The following PAQR5 variants were observed in gnomAD, a reference collection of about 807,000 sequenced individuals.
PAQR5 encodes the protein membrane progestin receptor gamma.
A neutral mutation model predicts 34.5 loss-of-function variants in PAQR5; 20 were observed. The ratio of observed to expected loss-of-function variants is 0.58; its 90% CI spans 0.41 to 0.84. The LOEUF is 0.84. Ranked by LOEUF, PAQR5 falls within the 40% of genes least tolerant of loss-of-function variation. The probability of loss-of-function intolerance (pLI) is 0.00; values close to 1 mark genes in which losing one functional copy is unlikely to be tolerated. For synonymous variants in PAQR5, 131 were observed against 155.6 expected, an observed-to-expected ratio of 0.84 and a Z score of 1.18; for missense variants, 378 against 412.7, an observed-to-expected ratio of 0.92 and a Z score of 0.73.
chr15:69,360,193 A>G, intron 3 of PAQR5, 62 bp downstream of exon 3: 1 of 1,271,270 alleles, frequency 7.9e-7, no homozygotes, highest in South Asian at 1.2e-5. Flanking sequence ...TGGCCTCCGC[A>G]ATGGGGGGCT....
chr15:69,350,629 T>C (rs2054891860), intron 2 of PAQR5, among the ~76,000 whole-genome samples: 1 of 151,106 alleles, frequency 6.6e-6, no homozygotes, highest in Non-Finnish European at 1.5e-5. Context: ...GGCAACAGAG[T>C]GAGACCCTTT....
At chr15:69,329,982 C>T (rs1388944790) in intron 1 of PAQR5, among the ~76,000 whole-genome samples, 1 of 152,072 alleles carries the variant, frequency 6.6e-6, no homozygotes, top group African/African-American at 2.4e-5. Flanking sequence ...TAGCCCTGGC[C>T]AGGTAGGTAT....
chr15:69,342,085 T>C (rs933168464), intron 2 of PAQR5, among the ~76,000 whole-genome samples: 46 of 152,266 alleles, frequency 3.0e-4, no homozygotes, highest in African/African-American at 1.1e-3. Flanking sequence ...CCACCAGAAA[T>C]GCATTAGTTT....
At chr15:69,342,008 T>C (rs925968704) in intron 2 of PAQR5, among the ~76,000 whole-genome samples, 1 of 152,038 alleles carries the variant, frequency 6.6e-6, no homozygotes, top group Non-Finnish European at 1.5e-5. Flanking sequence ...GATTATATGG[T>C]AATTCTGTTT....
chr15:69,305,917 T>G (rs770718403), intron 1 of PAQR5, among the ~76,000 whole-genome samples: 37 of 152,178 alleles, frequency 2.4e-4, no homozygotes, highest in African/African-American at 8.7e-4. Flanking sequence ...TAGAAGTAAA[T>G]CACTGTCTCT....
At chr15:69,322,805 G>GAAGAA (rs1566998148) in intron 1 of PAQR5, among the ~76,000 whole-genome samples, 224 of 21,000 alleles carry the variant, frequency 0.011, 62 homozygotes, top group East Asian at 0.073. Context: ...AAGAAGAAGA[G>GAAGAA]GAAGAGGAAG....
At position 69,400,061 on chromosome 15, in the gene PAQR5, T is replaced by C. The variant is rs769158103; in HGVS notation, c.697T>C (p.Leu233=). 4.3e-5 allele frequency: 69 copies of C among 1,614,244 alleles called. No individual in the cohort carries two copies. Among genetic ancestry groups the C allele is most frequent in the Non-Finnish European group, 5.8e-5 (68 of 1,180,032 alleles). The change falls in exon 8 of 9, where the codon TTG becomes CTG. Residue 233 remains leucine (L), a synonymous_variant. Coordinates refer to ENST00000395407, the MANE Select transcript of PAQR5 (RefSeq NM_017705.4). ...GATCATGACCCTCCTGGCCTCTTTC[T>C]TGTACTCTGCACATCTGCCAGAACG... The part of the protein sequence containing the change: ...HMIMTLLASF[L]YSAHLPERLA...
intron 1 of PAQR5, among the ~76,000 whole-genome samples, chr15:69,327,500 A>G (rs959170048): frequency 6.6e-6 from 1 of 151,986 alleles, no homozygotes; most frequent in Non-Finnish European, 1.5e-5. Context: ...TCCTGGAGGC[A>G]TTTGGAGGTT....
chr15:69,300,941 T>TCTCTC (rs1566986726), intron 1 of PAQR5, among the ~76,000 whole-genome samples: 2 of 33,262 alleles, frequency 6.0e-5, no homozygotes, highest in African/African-American at 9.1e-5. Context: ...CTCTCTCTCT[T>TCTCTC]TCTTTCCTTC....
At chr15:69,379,776 G>A in intron 3 of PAQR5, 107 bp from the exon 4 acceptor site, 1 of 1,399,404 alleles carries the variant, frequency 7.1e-7, no homozygotes, top group South Asian at 1.3e-5. Context: ...AAGGACTTGG[G>A]GTCAAGCGTT....
intron 2 of PAQR5, among the ~76,000 whole-genome samples, chr15:69,351,995 G>C (rs1177009986): frequency 1.3e-5 from 2 of 152,202 alleles, no homozygotes; most frequent in Non-Finnish European, 2.9e-5. Context: ...TGCTAGTTGT[G>C]AGTGGATCCT....
chr15:69,311,038 C>CCA (rs2053822007), intron 1 of PAQR5, among the ~76,000 whole-genome samples: 3 of 36,118 alleles, frequency 8.3e-5, no homozygotes, highest in African/African-American at 2.4e-4. Context: ...GACTCCGTCG[C>CCA]AAAAAATAAA....
At chr15:69,391,721 G>A (rs1246807515) in intron 6 of PAQR5, 1 of 455,734 alleles carries the variant, frequency 2.2e-6, no homozygotes, top group East Asian at 7.0e-5. Context: ...CAGGTTGAGG[G>A]GGCAGAGGAG....
rs190793611 is a variant in PAQR5 at position 69,337,063 on chromosome 15, T to C, written c.-276-278T>C. Among the ~76,000 whole-genome samples the C allele has an allele frequency of 5.3e-5, 8 of 152,296 alleles. No homozygotes were observed. The East Asian group carries it at 1.5e-3, about 29-fold the overall frequency. ...AACTTTAAAAATTGTACTATTGGAA[T>C]AGAGGAAAAAAGGAAACTTCTAGGA... On this transcript the variant is annotated intron_variant, in intron 1 of 8. Transcript: ENST00000395407.
chr15:69,390,118 C>T (rs976676328), intron 6 of PAQR5, among the ~76,000 whole-genome samples: 3 of 152,128 alleles, frequency 2.0e-5, no homozygotes, highest in Non-Finnish European at 4.4e-5. Flanking sequence ...TGAGTTCAAG[C>T]GATTCTCCTG....
intron 1 of PAQR5, among the ~76,000 whole-genome samples, chr15:69,330,747 A>C (rs1415330720): frequency 2.6e-5 from 4 of 152,240 alleles, no homozygotes; most frequent in Non-Finnish European, 5.9e-5. Context: ...TTATTTGAGT[A>C]ATGATAAAAC....
intron 1 of PAQR5, among the ~76,000 whole-genome samples, chr15:69,305,562 C>T (rs555627834): frequency 1.3e-5 from 2 of 152,176 alleles, no homozygotes; most frequent in South Asian, 2.1e-4. Context: ...TTCGGGCCCG[C>T]ACACTAAGGT....
chr15:69,389,568 A>G, intron 5 of PAQR5, 86 bp from the exon 6 acceptor site: 1 of 1,565,714 alleles, frequency 6.4e-7, no homozygotes, highest in Non-Finnish European at 8.7e-7. Flanking sequence ...ATAAGGGCCA[A>G]GCCAGATGCT....
chr15:69,346,287 A>G (rs957864803), intron 2 of PAQR5, among the ~76,000 whole-genome samples: 3 of 120,720 alleles, frequency 2.5e-5, no homozygotes, highest in Admixed American at 1.8e-4. Context: ...TTGGCCATGG[A>G]TATTTTGTAA....
Sources: gnomAD v4.1 joint callset for allele counts (sites outside exome capture counted in the v4.1 genomes callset) on GRCh38, gnomAD v4.1.1 for gene constraint, MANE v1.5 for transcripts, NCBI Gene and HGNC (gene_info 2026-07-23, HGNC 2026-07-21) for gene names.